Variants in LRRC7 observed in about 807,000 individuals in gnomAD.
LRRC7 encodes leucine-rich repeat-containing protein 7.
In LRRC7, 23 loss-of-function variants were observed where a neutral mutation model predicts 175.7. That is an observed-to-expected ratio of 0.13 (90% CI 0.09 to 0.19). The LOEUF (loss-of-function observed/expected upper bound fraction) is 0.19. LRRC7 is among the 10% of genes least tolerant of loss of function. LRRC7 has a pLI of 1.00. For missense variants in LRRC7, 1,354 were observed against 1,904.7 expected (o/e 0.71, Z 5.38); for synonymous variants, 685 against 680.9 (o/e 1.01, Z -0.09).
chr1:70,092,737 A>G (rs1488845134), intron 25 of LRRC7, among the ~76,000 whole-genome samples: 4 of 152,166 alleles, frequency 2.6e-5, no homozygotes, highest in Admixed American at 6.6e-5. Flanking sequence ...ATTCTGATCT[A>G]CGTTCTGGGG....
intron 7 of LRRC7, among the ~76,000 whole-genome samples, chr1:69,927,399 G>A (rs1647116559): frequency 6.6e-6 from 1 of 152,222 alleles, no homozygotes; most frequent in Non-Finnish European, 1.5e-5. Context: ...ATCCTGCAGA[G>A]TGTTTTCCAA....
chr1:69,904,833 C>A (rs1646247086), intron 7 of LRRC7, among the ~76,000 whole-genome samples: 1 of 152,112 alleles, frequency 6.6e-6, no homozygotes, highest in East Asian at 1.9e-4. Flanking sequence ...CCACACACAA[C>A]CCTTGAGTAG....
intron 1 of LRRC7, among the ~76,000 whole-genome samples, chr1:69,600,866 CA>C (rs1647038657): frequency 8.6e-6 from 1 of 116,676 alleles, no homozygotes; most frequent in Admixed American, 1.3e-4. Context: ...GGCTGGAGTG[CA>C]ATCGCACGCT....
At chr1:70,013,147 T>G (rs1656663516) in intron 13 of LRRC7, 58 bp downstream of exon 13, 2 of 989,544 alleles carry the variant, frequency 2.0e-6, no homozygotes, top group Non-Finnish European at 3.0e-6. Flanking sequence ...CAAATTATAG[T>G]TTTTTTGCCT....
At chr1:69,678,785 A>C (rs2100605004) in intron 2 of LRRC7, among the ~76,000 whole-genome samples, 1 of 152,292 alleles carries the variant, frequency 6.6e-6, no homozygotes, top group African/African-American at 2.4e-5. Context: ...CATGCATGGT[A>C]ATGGTTCTGA....
chr1:69,862,465 T>C (rs900391157), intron 7 of LRRC7, among the ~76,000 whole-genome samples: 1 of 152,162 alleles, frequency 6.6e-6, no homozygotes, highest in African/African-American at 2.4e-5. Context: ...ATATTCAGAT[T>C]TCTGCCTGGG....
intron 7 of LRRC7, among the ~76,000 whole-genome samples, chr1:69,891,828 T>C (rs1251943122): frequency 1.5e-5 from 2 of 133,574 alleles, no homozygotes; most frequent in Non-Finnish European, 1.7e-5. Context: ...AAGACATGAG[T>C]GAGCACATGC....
At chr1:69,695,968 G>C (rs529468747) in intron 2 of LRRC7, among the ~76,000 whole-genome samples, 3 of 152,296 alleles carry the variant, frequency 2.0e-5, no homozygotes, top group African/African-American at 4.8e-5. Flanking sequence ...GTCCCTACTA[G>C]GGCAATCCCA....
At chr1:69,874,287 A>G (rs1165633956) in intron 7 of LRRC7, 2 of 152,198 alleles carry the variant, frequency 1.3e-5, no homozygotes, top group African/African-American at 2.4e-5. Flanking sequence ...ATAAATAACA[A>G]TCGACATAAT....
chr1:69,790,742 A>G (rs921698711), intron 3 of LRRC7, among the ~76,000 whole-genome samples: 1 of 151,982 alleles, frequency 6.6e-6, no homozygotes, highest in Non-Finnish European at 1.5e-5. Flanking sequence ...AATTAATAGT[A>G]GAAACTATCC....
chr1:69,866,233 T>C (rs535543898), intron 7 of LRRC7, among the ~76,000 whole-genome samples: 2 of 152,272 alleles, frequency 1.3e-5, no homozygotes, highest in East Asian at 3.9e-4. Context: ...ATGGTGAAAG[T>C]GAGAGAAAGA....
intron 7 of LRRC7, among the ~76,000 whole-genome samples, chr1:69,902,058 C>T (rs569833342): frequency 4.3e-4 from 66 of 152,182 alleles, no homozygotes; most frequent in African/African-American, 1.4e-3. Context: ...CTTTGTTAAT[C>T]CTTGAATTGC....
In LRRC7 at chr1:69,669,174, G is replaced by A. The variant is rs1365210109; in HGVS notation, c.3-9207G>A. Among the ~76,000 whole-genome samples, 6 of 151,870 alleles carry A rather than the reference G, an allele frequency of 4.0e-5. No individual in the cohort carries two copies. In the East Asian group the frequency reaches 9.7e-4, roughly 24 times the overall value. On this transcript the variant is annotated intron_variant, in intron 1 of 26. Coordinates refer to ENST00000651989, the MANE Select transcript of LRRC7 (RefSeq NM_001370785.2). Reference sequence around the variant, plus strand: ...GTCCTTACTATTACCAGTGAGTTTTGTACTTTTAGATGGTGTCTTATTGCT... The same window carrying A: ...GTCCTTACTATTACCAGTGAGTTTTATACTTTTAGATGGTGTCTTATTGCT...
chr1:69,745,585 A>C (rs1380886750), intron 2 of LRRC7, among the ~76,000 whole-genome samples: 1 of 151,984 alleles, frequency 6.6e-6, no homozygotes. Flanking sequence ...TAGACATATC[A>C]CAACAGAATA....
intron 7 of LRRC7, among the ~76,000 whole-genome samples, chr1:69,899,182 A>G (rs981999060): frequency 1.3e-5 from 2 of 152,224 alleles, no homozygotes; most frequent in African/African-American, 2.4e-5. Flanking sequence ...TTTTATCTCT[A>G]TTCAGGCATA....
At chr1:70,059,516 T>G (rs1003059234) in intron 23 of LRRC7, among the ~76,000 whole-genome samples, 2 of 143,286 alleles carry the variant, frequency 1.4e-5, no homozygotes, top group Non-Finnish European at 3.1e-5. Flanking sequence ...TGTGTGTGTG[T>G]GGTCATTTTC....
At chr1:69,727,339 G>T (rs1362678992) in intron 2 of LRRC7, among the ~76,000 whole-genome samples, 1 of 152,180 alleles carries the variant, frequency 6.6e-6, no homozygotes, top group African/African-American at 2.4e-5. Context: ...AGAATGCTTT[G>T]CTGTAAGGGG....
chr1:69,786,672 TTTTAAAATCATCAGATC>T (rs1455932480), intron 3 of LRRC7, among the ~76,000 whole-genome samples: 2 of 152,104 alleles, frequency 1.3e-5, no homozygotes, highest in Non-Finnish European at 2.9e-5. Flanking sequence ...AAACTCCCCT[TTTTAAAATCATCAGATC>T]TTGTGAGATT....
intron 7 of LRRC7, chr1:69,919,829 C>A: frequency 1.4e-6 from 1 of 735,608 alleles, no homozygotes; most frequent in East Asian, 2.6e-5. Flanking sequence ...CGTCATTGTC[C>A]GCACGGAGTG....
Sources: gnomAD v4.1 joint callset for allele counts (sites outside exome capture counted in the v4.1 genomes callset) on GRCh38, gnomAD v4.1.1 for gene constraint, MANE v1.5 for transcripts, NCBI Gene and HGNC (gene_info 2026-07-23, HGNC 2026-07-21) for gene names.